GRID2: variants seen among roughly 807,000 people sequenced by gnomAD.
GRID2 encodes the protein glutamate ionotropic receptor delta type subunit 2, also known as glutamate receptor ionotropic, delta-2.
GRID2 carries 33 observed loss-of-function variants against 114.8 expected under a neutral mutation model. The observed-to-expected ratio is 0.29, with a 90% CI of 0.22 to 0.38. The LOEUF is 0.38. GRID2 is among the 10% of genes least tolerant of loss of function. GRID2 has a pLI of 1.00. For missense variants in GRID2, 1,184 were observed against 1,257.7 expected (o/e 0.94, Z 0.89); for synonymous variants, 505 against 449.9 (o/e 1.12, Z -1.55).
At chr4:92,894,302 A>G (rs1747001675) in intron 2 of GRID2, among the ~76,000 whole-genome samples, 1 of 152,026 alleles carries the variant, frequency 6.6e-6, no homozygotes, top group Non-Finnish European at 1.5e-5. Flanking sequence ...TTATTTGCTT[A>G]TTATTTTTCA....
chr4:93,573,893 T>C (rs564945576), intron 13 of GRID2, among the ~76,000 whole-genome samples: 16 of 152,102 alleles, frequency 1.1e-4, no homozygotes, highest in Non-Finnish European at 2.1e-4. Flanking sequence ...ACTCCACAAC[T>C]TATTAGCTAA....
At chr4:93,034,583 C>T (rs576968342) in intron 2 of GRID2, among the ~76,000 whole-genome samples, 1 of 152,244 alleles carries the variant, frequency 6.6e-6, no homozygotes, top group South Asian at 2.1e-4. Context: ...CCCAACTATG[C>T]TTTCTTATAT....
intron 8 of GRID2, among the ~76,000 whole-genome samples, chr4:93,259,369 GTT>G (rs1407454133): frequency 1.3e-5 from 2 of 151,874 alleles, no homozygotes; most frequent in East Asian, 3.9e-4. Context: ...TCTTTGAATA[GTT>G]AGTTTTCCAG....
intron 2 of GRID2, among the ~76,000 whole-genome samples, chr4:92,979,611 C>A (rs1274157823): frequency 6.6e-6 from 1 of 152,066 alleles, no homozygotes; most frequent in Non-Finnish European, 1.5e-5. Context: ...AATGACATAT[C>A]CAACCTCATT....
chr4:93,333,940 T>G (rs7696884), intron 8 of GRID2, among the ~76,000 whole-genome samples: 35,841 of 151,988 alleles, frequency 0.24, 6,734 homozygotes, highest in African/African-American at 0.52. Context: ...GGGGGAAAAT[T>G]TACCTTTTTC....
At chr4:92,646,869 C>G (rs972702558) in intron 2 of GRID2, among the ~76,000 whole-genome samples, 1 of 151,564 alleles carries the variant, frequency 6.6e-6, no homozygotes, top group Non-Finnish European at 1.5e-5. Context: ...CAAACTTATA[C>G]AATCACAGTC....
chr4:93,314,865 A>T (rs777112645), intron 8 of GRID2, among the ~76,000 whole-genome samples: 3 of 152,010 alleles, frequency 2.0e-5, no homozygotes, highest in Non-Finnish European at 4.4e-5. Context: ...TGGTTTTATG[A>T]CAGGATATTT....
intron 2 of GRID2, among the ~76,000 whole-genome samples, chr4:92,957,843 G>A (rs185698650): frequency 6.6e-6 from 1 of 151,998 alleles, no homozygotes; most frequent in Non-Finnish European, 1.5e-5. Flanking sequence ...GAGATTTGTA[G>A]TTTTCCTCAT....
intron 2 of GRID2, among the ~76,000 whole-genome samples, chr4:92,790,655 C>T (rs985036231): frequency 3.3e-5 from 5 of 150,182 alleles, no homozygotes; most frequent in Admixed American, 6.7e-5. Context: ...TAGATTCAAG[C>T]GATTCTCCCA....
At chr4:93,509,811 A>G (rs1234888267) in intron 12 of GRID2, among the ~76,000 whole-genome samples, 1 of 152,076 alleles carries the variant, frequency 6.6e-6, no homozygotes, top group East Asian at 1.9e-4. Context: ...TCTCACCCTC[A>G]CGGCATATTA....
chr4:93,297,238 A>C (rs957835474), intron 8 of GRID2, among the ~76,000 whole-genome samples: 3 of 152,200 alleles, frequency 2.0e-5, no homozygotes, highest in African/African-American at 7.2e-5. Context: ...TACGTGATAC[A>C]TGTGTAGGTG....
chr4:93,733,132 T>A (rs2110230247), intron 14 of GRID2, among the ~76,000 whole-genome samples: 1 of 152,294 alleles, frequency 6.6e-6, no homozygotes, highest in East Asian at 1.9e-4. Context: ...TTAGGGAGGC[T>A]TTCTAAAATG....
At chr4:93,303,810 C>T (rs1579605902) in intron 8 of GRID2, among the ~76,000 whole-genome samples, 1 of 152,162 alleles carries the variant, frequency 6.6e-6, no homozygotes, top group South Asian at 2.1e-4. Flanking sequence ...ATTACTCATA[C>T]ATCTTATGAG....
At chr4:92,456,232 A>G (rs994273175) in intron 1 of GRID2, among the ~76,000 whole-genome samples, 6 of 152,074 alleles carry the variant, frequency 3.9e-5, no homozygotes, top group Admixed American at 3.9e-4. Flanking sequence ...AAATAAACTC[A>G]CATAAGAGGC....
intron 2 of GRID2, among the ~76,000 whole-genome samples, chr4:92,921,848 G>A (rs1749369276): frequency 6.6e-6 from 1 of 152,176 alleles, no homozygotes; most frequent in African/African-American, 2.4e-5. Flanking sequence ...ACTGCATGCT[G>A]GGAGAACCGC....
At chr4:92,757,164 A>G (rs1374208376) in intron 2 of GRID2, among the ~76,000 whole-genome samples, 1 of 152,116 alleles carries the variant, frequency 6.6e-6, no homozygotes, top group African/African-American at 2.4e-5. Context: ...ATTCTTCTGT[A>G]TATGGACATC....
At chr4:93,043,856 A>T (rs1221743614) in intron 2 of GRID2, among the ~76,000 whole-genome samples, 2 of 152,106 alleles carry the variant, frequency 1.3e-5, no homozygotes, top group African/African-American at 4.8e-5. Flanking sequence ...TGGCACATGT[A>T]TACATATGTA....
At chr4:93,158,262 G>C (rs535286174) in intron 4 of GRID2, among the ~76,000 whole-genome samples, 3 of 151,942 alleles carry the variant, frequency 2.0e-5, no homozygotes, top group South Asian at 4.1e-4. Context: ...TTTGTATAGA[G>C]AGCTGAAGCA....
At chr4:93,322,509 A>G (rs1365880974) in intron 8 of GRID2, among the ~76,000 whole-genome samples, 4 of 152,240 alleles carry the variant, frequency 2.6e-5, no homozygotes, top group Non-Finnish European at 4.4e-5. Context: ...ATAGACATAC[A>G]TGTGCATGTG....
Sources: gnomAD v4.1 joint callset for allele counts (sites outside exome capture counted in the v4.1 genomes callset) on GRCh38, gnomAD v4.1.1 for gene constraint, MANE v1.5 for transcripts, NCBI Gene and HGNC (gene_info 2026-07-23, HGNC 2026-07-21) for gene names.